Variants in ROBO2 observed in about 807,000 individuals in gnomAD.
ROBO2 encodes roundabout guidance receptor 2.
Under a neutral mutation model 160.8 loss-of-function variants are expected in ROBO2, and 53 were observed. The observed-to-expected ratio is 0.33, with a 90% CI of 0.26 to 0.41. The LOEUF is 0.41. Among genes scored for constraint, ROBO2 ranks in the 10% least tolerant of loss-of-function variants. ROBO2 has a pLI of 1.00. For synonymous variants in ROBO2, 664 were observed against 611.7 expected, an observed-to-expected ratio of 1.09 and a Z score of -1.26; for missense variants, 1,577 against 1,722.4, an observed-to-expected ratio of 0.92 and a Z score of 1.49.
intron 24 of ROBO2, 149 bp from the exon 27 acceptor site, chr3:77,644,555 A>T: frequency 1.4e-6 from 1 of 713,578 alleles, no homozygotes; most frequent in Admixed American, 2.4e-5. Flanking sequence ...TTTCTTTAAT[A>T]TCCGGTCCTG....
intron 2 of ROBO2, among the ~76,000 whole-genome samples, chr3:76,088,239 G>A (rs1327282490): frequency 6.6e-6 from 1 of 151,984 alleles, no homozygotes; most frequent in Non-Finnish European, 1.5e-5. Flanking sequence ...AAAACTGATA[G>A]GACTGCAAGG....
chr3:77,423,782 C>A (rs2077928479), intron 2 of ROBO2, among the ~76,000 whole-genome samples: 1 of 152,190 alleles, frequency 6.6e-6, no homozygotes, highest in African/African-American at 2.4e-5. Context: ...AAACCCCTAA[C>A]TCCACCCTGG....
At chr3:77,422,264 A>T (rs2153533260) in intron 2 of ROBO2, among the ~76,000 whole-genome samples, 1 of 152,298 alleles carries the variant, frequency 6.6e-6, no homozygotes, top group African/African-American at 2.4e-5. Context: ...TTGACATTTT[A>T]TGCCTTTCAT....
chr3:76,541,229 T>A (rs866933476), intron 2 of ROBO2, among the ~76,000 whole-genome samples: 3 of 152,366 alleles, frequency 2.0e-5, no homozygotes, highest in Middle Eastern at 3.4e-3. Flanking sequence ...CTACTTCTTA[T>A]TAGGCTTGAT....
intron 2 of ROBO2, among the ~76,000 whole-genome samples, chr3:76,712,220 A>C (rs2096798444): frequency 1.3e-5 from 2 of 152,356 alleles, no homozygotes; most frequent in African/African-American, 4.8e-5. Flanking sequence ...AAAGCAAATC[A>C]ATAGATACAA....
At chr3:76,164,437 T>C (rs2106942796) in intron 2 of ROBO2, among the ~76,000 whole-genome samples, 1 of 152,342 alleles carries the variant, frequency 6.6e-6, no homozygotes, top group Non-Finnish European at 1.5e-5. Context: ...TCATTATTTA[T>C]GGCAACTATA....
chr3:76,071,526 C>CT (rs1272091762), intron 2 of ROBO2, among the ~76,000 whole-genome samples: 1 of 152,050 alleles, frequency 6.6e-6, no homozygotes, highest in East Asian at 1.9e-4. Flanking sequence ...GGTTTATGTG[C>CT]TTTGCAACAT....
intron 2 of ROBO2, among the ~76,000 whole-genome samples, chr3:76,729,298 G>T (rs17014598): frequency 6.6e-6 from 1 of 151,626 alleles, no homozygotes; most frequent in Non-Finnish European, 1.5e-5. Flanking sequence ...TTTTCAAATG[G>T]AGCCAAATTC....
chr3:77,404,755 C>T (rs1002612931), intron 2 of ROBO2, among the ~76,000 whole-genome samples: 7 of 151,996 alleles, frequency 4.6e-5, no homozygotes, highest in African/African-American at 1.7e-4. Context: ...GTTATAATTA[C>T]GTTTGTTATA....
intron 2 of ROBO2, among the ~76,000 whole-genome samples, chr3:77,115,884 G>A (rs1445906349): frequency 6.6e-6 from 1 of 152,150 alleles, no homozygotes; most frequent in Non-Finnish European, 1.5e-5. Flanking sequence ...AGTGGCTGGT[G>A]TCTTGGGTGA....
At chr3:77,595,082 A>T in intron 17 of ROBO2, 60 bp from the exon 19 acceptor site, 1 of 1,355,378 alleles carries the variant, frequency 7.4e-7, no homozygotes, top group Non-Finnish European at 1.1e-6. Flanking sequence ...AGTTGTTATT[A>T]ATTGTAATTA....
chr3:76,983,209 C>T (rs991000198), intron 2 of ROBO2, among the ~76,000 whole-genome samples: 7 of 152,046 alleles, frequency 4.6e-5, no homozygotes, highest in East Asian at 1.9e-4. Flanking sequence ...TGCTTGAGCC[C>T]GGAAGGTGGG....
chr3:77,234,921 T>C (rs1207896576), intron 2 of ROBO2, among the ~76,000 whole-genome samples: 1 of 152,224 alleles, frequency 6.6e-6, no homozygotes, highest in African/African-American at 2.4e-5. Flanking sequence ...GCAATGGCGT[T>C]ACTTTAATTC....
intron 2 of ROBO2, among the ~76,000 whole-genome samples, chr3:77,136,550 G>C (rs1440386454): frequency 2.9e-5 from 4 of 136,740 alleles, no homozygotes; most frequent in African/African-American, 5.5e-5. Context: ...GAATGAAGTA[G>C]TGCAGCCTCA....
chr3:77,336,866 A>G (rs947180105), intron 2 of ROBO2, among the ~76,000 whole-genome samples: 1 of 152,208 alleles, frequency 6.6e-6, no homozygotes. Context: ...TGCCTTTCCC[A>G]AGGCCAAAAA....
chr3:77,456,587 G>C (rs1326021848), intron 2 of ROBO2, among the ~76,000 whole-genome samples: 3 of 152,174 alleles, frequency 2.0e-5, no homozygotes, highest in Admixed American at 2.0e-4. Context: ...AAAACAAACA[G>C]ACTTCTCTTC....
At chr3:76,539,520 CTGTT>C (rs1449171080) in intron 2 of ROBO2, among the ~76,000 whole-genome samples, 3 of 152,096 alleles carry the variant, frequency 2.0e-5, no homozygotes, top group Non-Finnish European at 4.4e-5. Flanking sequence ...ATTATCCATC[CTGTT>C]TAAGTAGCAA....
chr3:77,186,981 C>T (rs1023527781), intron 2 of ROBO2, among the ~76,000 whole-genome samples: 1 of 151,934 alleles, frequency 6.6e-6, no homozygotes, highest in Non-Finnish European at 1.5e-5. Flanking sequence ...GAAGTGAAAG[C>T]TATAAGTTTT....
At chr3:77,329,769 G>C (rs1310064539) in intron 2 of ROBO2, among the ~76,000 whole-genome samples, 3 of 152,164 alleles carry the variant, frequency 2.0e-5, no homozygotes, top group Admixed American at 2.0e-4. Flanking sequence ...TAATTCGTTA[G>C]AATACACTGA....
Sources: gnomAD v4.1 joint callset for allele counts (sites outside exome capture counted in the v4.1 genomes callset) on GRCh38, gnomAD v4.1.1 for gene constraint, MANE v1.5 for transcripts, NCBI Gene and HGNC (gene_info 2026-07-23, HGNC 2026-07-21) for gene names.